Variants in GPC3 observed in about 807,000 individuals in gnomAD.
GPC3 encodes glypican 3.
Under a neutral mutation model 34.4 loss-of-function variants are expected in GPC3, and 3 were observed. That is an observed-to-expected ratio of 0.09 (90% confidence interval 0.04 to 0.23). GPC3 has a LOEUF of 0.23. Among genes scored for constraint, GPC3 ranks in the 10% least tolerant of loss-of-function variants. The probability of loss-of-function intolerance (pLI) is 1.00; values close to 1 mark genes in which losing one functional copy is unlikely to be tolerated. For synonymous variants in GPC3, 177 were observed against 174.0 expected (o/e 1.02, Z -0.13); for missense variants, 351 against 445.6 (o/e 0.79, Z 1.91).
chrX:133,819,996 T>C (rs1358120414), intron 2 of GPC3, among the ~76,000 whole-genome samples: 1 of 111,991 alleles, frequency 8.9e-6, no homozygotes, highest in Admixed American at 9.5e-5. Flanking sequence ...CCTGAACTAT[T>C]ATCTTCATTG....
intron 6 of GPC3, among the ~76,000 whole-genome samples, chrX:133,654,035 A>G (rs1464616117): frequency 8.9e-6 from 1 of 111,880 alleles, no homozygotes; most frequent in African/African-American, 3.3e-5. Context: ...CTGCACTTAT[A>G]TAATTCTGCC....
At chrX:133,676,802 A>G (rs1192741636) in intron 5 of GPC3, among the ~76,000 whole-genome samples, 1 of 112,087 alleles carries the variant, frequency 8.9e-6, no homozygotes, top group Non-Finnish European at 1.9e-5. Context: ...CCATGCACAC[A>G]AGGACAACTA....
intron 6 of GPC3, among the ~76,000 whole-genome samples, chrX:133,631,470 T>C (rs1488063461): frequency 8.9e-6 from 1 of 111,911 alleles, no homozygotes; most frequent in Non-Finnish European, 1.9e-5. Context: ...ATTGTATGTA[T>C]ATACCAAATT....
At chrX:133,928,908 C>T (rs1197079498) in intron 2 of GPC3, among the ~76,000 whole-genome samples, 1 of 111,850 alleles carries the variant, frequency 8.9e-6, no homozygotes, top group African/African-American at 3.2e-5. Flanking sequence ...TTTCATTTTG[C>T]TGATTGTTTC....
At chrX:133,796,022 T>C (rs2075578501) in intron 2 of GPC3, among the ~76,000 whole-genome samples, 1 of 101,847 alleles carries the variant, frequency 9.8e-6, no homozygotes. Flanking sequence ...CTTGGCTCAC[T>C]GCAAGCTCCG....
chrX:133,601,514 G>A (rs1426484533), intron 6 of GPC3, among the ~76,000 whole-genome samples: 1 of 111,934 alleles, frequency 8.9e-6, no homozygotes, highest in Non-Finnish European at 1.9e-5. Context: ...TATGATAAAT[G>A]TCATACTTTA....
rs768226238 is a variant in GPC3, at chrX:133,726,789, C to T, written c.1032+26693G>A. On this transcript the variant is annotated intron_variant, in intron 3 of 7. Transcript: ENST00000370818. ...AAAACAAACCGAGTGGCCACACTGGCCACTGTAAAAGCTGGAGCACCCATG... is the reference window on the plus strand; with the variant it reads ...AAAACAAACCGAGTGGCCACACTGGTCACTGTAAAAGCTGGAGCACCCATG... Among the ~76,000 whole-genome samples, 3 of 112,277 alleles carry T rather than the reference C, an allele frequency of 2.7e-5. No homozygotes were observed. The East Asian group carries it at 8.5e-4, about 32-fold the overall frequency.
At chrX:133,641,346 C>A in intron 6 of GPC3, among the ~76,000 whole-genome samples, 2 of 109,180 alleles carry the variant, frequency 1.8e-5, no homozygotes, top group South Asian at 8.1e-4. Flanking sequence ...TGTGGTGACG[C>A]GCGCCTGTAA....
At chrX:133,844,397 C>T in intron 2 of GPC3, among the ~76,000 whole-genome samples, 1 of 111,458 alleles carries the variant, frequency 9.0e-6, no homozygotes, top group East Asian at 2.8e-4. Context: ...ACACTTTAAA[C>T]ATACACATTC....
chrX:133,849,575 C>T (rs996749183), intron 2 of GPC3, among the ~76,000 whole-genome samples: 3 of 110,989 alleles, frequency 2.7e-5, no homozygotes, highest in African/African-American at 9.8e-5. Context: ...AGCTTCCCTT[C>T]GACCACTTTC....
At chrX:133,637,706 G>A (rs898960382) in intron 6 of GPC3, among the ~76,000 whole-genome samples, 1 of 111,399 alleles carries the variant, frequency 9.0e-6, no homozygotes, top group African/African-American at 3.3e-5. Flanking sequence ...GCAGTGGCTT[G>A]ATCACGGCTC....
chrX:133,687,760 A>AT (rs1022405078), intron 5 of GPC3, among the ~76,000 whole-genome samples: 11 of 110,584 alleles, frequency 9.9e-5, no homozygotes, highest in Non-Finnish European at 2.1e-4. Context: ...AAATACGTTT[A>AT]TTTTTTTTCT....
chrX:133,891,670 A>C (rs1417681368), intron 2 of GPC3, among the ~76,000 whole-genome samples: 1 of 107,901 alleles, frequency 9.3e-6, no homozygotes, highest in Non-Finnish European at 1.9e-5. Context: ...ACAGTCGTGC[A>C]TGCCTGCAGT....
intron 2 of GPC3, among the ~76,000 whole-genome samples, chrX:133,935,161 T>C (rs868660399): frequency 2.7e-5 from 3 of 112,190 alleles, no homozygotes; most frequent in Admixed American, 9.5e-5. Context: ...AATTTTCTAA[T>C]CTTGCTTCCT....
chrX:133,822,265 G>A (rs1484965686), intron 2 of GPC3, among the ~76,000 whole-genome samples: 1 of 111,712 alleles, frequency 9.0e-6, no homozygotes, highest in Non-Finnish European at 1.9e-5. Context: ...CAGATCCACT[G>A]TCACAGTATC....
chrX:133,724,930 G>A (rs946498157), intron 3 of GPC3, among the ~76,000 whole-genome samples: 1 of 111,247 alleles, frequency 9.0e-6, no homozygotes, highest in African/African-American at 3.3e-5. Context: ...TAAGATAAAC[G>A]AAAAATAAAG....
At chrX:133,836,356 G>A (rs1158318831) in intron 2 of GPC3, among the ~76,000 whole-genome samples, 1 of 112,342 alleles carries the variant, frequency 8.9e-6, no homozygotes, top group African/African-American at 3.2e-5. Context: ...AGAAAATGTG[G>A]CAGATAAACA....
chrX:133,835,936 G>A (rs1190696002), intron 2 of GPC3, among the ~76,000 whole-genome samples: 3 of 112,912 alleles, frequency 2.7e-5, no homozygotes, highest in Non-Finnish European at 5.6e-5. Context: ...TTAGGTCTGA[G>A]TACACCTAGG....
intron 3 of GPC3, among the ~76,000 whole-genome samples, chrX:133,748,153 A>AT (rs1181840309): frequency 1.8e-5 from 2 of 112,367 alleles, no homozygotes; most frequent in Non-Finnish European, 3.8e-5. Flanking sequence ...AAATGGATGA[A>AT]TTATACATGA....
Sources: gnomAD v4.1 joint callset for allele counts (sites outside exome capture counted in the v4.1 genomes callset) on GRCh38, gnomAD v4.1.1 for gene constraint, MANE v1.5 for transcripts, NCBI Gene and HGNC (gene_info 2026-07-23, HGNC 2026-07-21) for gene names.